SLC9C2: variants seen among roughly 807,000 people sequenced by gnomAD.
SLC9C2 encodes the protein solute carrier family 9 member C2 (putative).
In SLC9C2, 75 loss-of-function variants were observed where a neutral mutation model predicts 140.2. The observed-to-expected ratio is 0.53, with a 90% confidence interval of 0.44 to 0.65. The LOEUF is 0.65. Ranked by LOEUF, SLC9C2 falls within the 30% of genes least tolerant of loss-of-function variation. The probability of loss-of-function intolerance (pLI) is 0.00; values close to 1 mark genes in which losing one functional copy is unlikely to be tolerated. For missense variants in SLC9C2, 1,074 were observed against 1,331.8 expected, an observed-to-expected ratio of 0.81 and a Z score of 3.01; for synonymous variants, 375 against 420.9, an observed-to-expected ratio of 0.89 and a Z score of 1.34.
At chr1:173,545,901 T>C (rs1355916514) in intron 13 of SLC9C2, among the ~76,000 whole-genome samples, 4 of 152,194 alleles carry the variant, frequency 2.6e-5, no homozygotes, top group African/African-American at 9.7e-5. Flanking sequence ...AGTTTTCCTC[T>C]AGGTGGCTTC....
chr1:173,575,808 G>A (rs1236681769), intron 8 of SLC9C2, among the ~76,000 whole-genome samples: 1 of 152,132 alleles, frequency 6.6e-6, no homozygotes, highest in Non-Finnish European at 1.5e-5. Flanking sequence ...TCGATCTCCT[G>A]ACCTCGTGAT....
intron 22 of SLC9C2, among the ~76,000 whole-genome samples, chr1:173,518,104 A>T (rs1660553638): frequency 6.6e-6 from 1 of 152,178 alleles, no homozygotes; most frequent in Non-Finnish European, 1.5e-5. Flanking sequence ...GCTAAAAAAA[A>T]ATACAAAAAT....
intron 9 of SLC9C2, among the ~76,000 whole-genome samples, chr1:173,568,436 C>A (rs1484616915): frequency 2.6e-5 from 4 of 152,162 alleles, no homozygotes; most frequent in African/African-American, 7.2e-5. Flanking sequence ...CCAACTCTAT[C>A]CATGTTCCAC....
Position 173,587,665 on chromosome 1 carries a change from C to T in SLC9C2, c.523G>A (p.Gly175Ser). The stretch of plus-strand genomic sequence containing the variant: ...AGAGAGAGAAATAAATGTGACATAC[C>T]AATAGTTTTTAGTGAATTCACAGAA... ...LRSVNSLKTI[G>S]ISKIYIDLIR... The change falls in exon 5 of 28, where the codon GGC becomes AGC. Residue 175 changes from glycine (G) to serine (S), a missense_variant and splice_region_variant. By Grantham distance (56) the Gly-to-Ser change is moderately conservative. Coordinates refer to ENST00000367714, the MANE Select transcript of SLC9C2 (RefSeq NM_178527.4). 6.2e-7 allele frequency: 1 copy of T among 1,604,348 alleles called. No homozygotes were observed. The highest frequency in any genetic ancestry group is 1.1e-5 in the South Asian group (1 of 89,610).
chr1:173,506,961 A>G lies in SLC9C2; in HGVS notation c.3120T>C (p.Asp1040=), dbSNP rs1659684781. ...TGATAACAAATTTCATGGTCATATTATCAATAATCATGTCACTATAGCTTG... is the reference window on the plus strand; with the variant it reads ...TGATAACAAATTTCATGGTCATATTGTCAATAATCATGTCACTATAGCTTG... ...TLSSYSDMII[D]NMTMKFVIIV... is the part of the protein sequence containing the mutation. Residue 1040 remains aspartate (D), a synonymous_variant, in exon 25 of 28, where the codon GAT becomes GAC. Transcript: ENST00000367714. 6.2e-7 allele frequency: 1 copy of G among 1,613,544 alleles called. No homozygotes were observed. Among genetic ancestry groups the G allele is most frequent in the Non-Finnish European group, 8.5e-7 (1 of 1,179,742 alleles).
chr1:173,503,208 T>C (rs1045688395), intron 27 of SLC9C2, 58 bp downstream of exon 27: 2 of 1,448,910 alleles, frequency 1.4e-6, no homozygotes, highest in Non-Finnish European at 1.9e-6. Context: ...TTATTTTAGC[T>C]GTATAGTTCA....
intron 13 of SLC9C2, among the ~76,000 whole-genome samples, chr1:173,543,458 C>T (rs544265192): frequency 6.6e-6 from 1 of 152,168 alleles, no homozygotes; most frequent in African/African-American, 2.4e-5. Flanking sequence ...CATTGCCATC[C>T]CCACCAAGCT....
At chr1:173,524,259 C>T (rs1661037862) in intron 20 of SLC9C2, among the ~76,000 whole-genome samples, 165 bp from the exon 21 acceptor site, 1 of 152,124 alleles carries the variant, frequency 6.6e-6, no homozygotes, top group Non-Finnish European at 1.5e-5. Flanking sequence ...CCATTTTTGT[C>T]CCTAGTCTCC....
rs762325685 is a variant in SLC9C2 at position 173,546,261 on chromosome 1, G to A, written c.1557+1428C>T. Among the ~76,000 whole-genome samples, 6 of 152,150 alleles carry A rather than the reference G, an allele frequency of 3.9e-5. 1 individual carries two copies. The highest frequency in any genetic ancestry group is 2.1e-4 in the South Asian group (1 of 4,834). ...GAAATATGTTCTTCAAGCTGGGAGC[G>A]GTGGCTCACACCTGTAATCCCAGTG... is the stretch of plus-strand genomic sequence containing the variant. On this transcript the variant is annotated intron_variant, in intron 13 of 27. Transcript: ENST00000367714.
chr1:173,573,398 C>T, intron 8 of SLC9C2, 73 bp from the exon 9 acceptor site: 2 of 1,107,632 alleles, frequency 1.8e-6, no homozygotes, highest in Non-Finnish European at 2.5e-6. Flanking sequence ...CATATAAAAT[C>T]ATATATCTTA....
chr1:173,545,248 A>C (rs138971997), intron 13 of SLC9C2, among the ~76,000 whole-genome samples: 1 of 152,364 alleles, frequency 6.6e-6, no homozygotes, highest in Non-Finnish European at 1.5e-5. Context: ...GAGTCATGGA[A>C]AACAAACAAT....
In SLC9C2 at chr1:173,517,483, T is replaced by A. The variant is rs150478333; in HGVS notation, c.2907+54A>T. On this transcript the variant is annotated intron_variant, in intron 23 of 27. Coordinates refer to ENST00000367714, the MANE Select transcript of SLC9C2 (RefSeq NM_178527.4). ...CCCCAAAAAAGAAAAGATGCTGGTA[T>A]TTTTTATTTACTTGAAGAATAATTA... The A allele has an allele frequency of 4.1e-6, 6 of 1,477,166 alleles. No homozygotes were observed. The East Asian group carries it at 1.5e-4, about 36-fold the overall frequency. 91.5% of individuals were successfully genotyped at this position (1,477,166 alleles called of 1,614,324 possible). A position where few individuals can be genotyped will look rare whatever the true frequency, so the allele number is the denominator to read the frequency against.
At chr1:173,553,398 A>ACAG (rs1306138168) in intron 11 of SLC9C2, among the ~76,000 whole-genome samples, 3 of 152,234 alleles carry the variant, frequency 2.0e-5, no homozygotes, top group Non-Finnish European at 4.4e-5. Context: ...ATGCTATCAA[A>ACAG]CAGCACTGCA....
chr1:173,580,095 A>C (rs918174136), intron 7 of SLC9C2, among the ~76,000 whole-genome samples: 2 of 152,206 alleles, frequency 1.3e-5, no homozygotes, highest in African/African-American at 4.8e-5. Context: ...AAGCTTTTTA[A>C]AACCCAGTTC....
intron 13 of SLC9C2, among the ~76,000 whole-genome samples, chr1:173,541,648 C>G (rs1181446432): frequency 6.6e-6 from 1 of 152,072 alleles, no homozygotes; most frequent in South Asian, 2.1e-4. Flanking sequence ...ACAGAAATCA[C>G]AACAAACTGT....
chr1:173,591,268 AAT>A (rs1484546786), intron 4 of SLC9C2, among the ~76,000 whole-genome samples: 6 of 152,070 alleles, frequency 3.9e-5, no homozygotes, highest in Non-Finnish European at 7.4e-5. Context: ...TTCTTTATAC[AAT>A]CTGGCATTGA....
At position 173,507,022 on chromosome 1, in the gene SLC9C2, C is replaced by A. The variant is rs751028860; in HGVS notation, c.3059G>T (p.Cys1020Phe). 1 of 1,597,426 alleles carries A rather than the reference C, an allele frequency of 6.3e-7. No individual in the cohort carries two copies. The highest frequency in any genetic ancestry group is 1.3e-5 in the African/African-American group (1 of 74,152). Residue 1020 changes from cysteine (C) to phenylalanine (F), a missense_variant, in exon 25 of 28, where the codon TGT becomes TTT. By Grantham distance (205) the Cys-to-Phe change is radical (BLOSUM62 -2). Coordinates refer to ENST00000367714, the MANE Select transcript of SLC9C2 (RefSeq NM_178527.4). ...CACATATGCTTGATTGAACATCACA[C>A]AGTTCTGAAACCTTAAGTCCTATAA... The part of the protein sequence containing the change: ...LIDEDLRFQN[C>F]VMFNQAYVET...
intron 7 of SLC9C2, among the ~76,000 whole-genome samples, chr1:173,581,219 A>G (rs1665511650): frequency 6.6e-6 from 1 of 152,220 alleles, no homozygotes. Context: ...CAGTTTGGCC[A>G]CAGTTACTAC....
chr1:173,517,691 G>C lies in SLC9C2; in HGVS notation c.2753C>G (p.Ser918Cys). The C allele has an allele frequency of 1.2e-6, 2 of 1,605,528 alleles. No individual in the cohort carries two copies. The highest frequency in any genetic ancestry group is 1.7e-6 in the Non-Finnish European group (2 of 1,177,766). The change falls in exon 23 of 28, where the codon TCT becomes TGT. Residue 918 changes from serine to cysteine, a missense_variant. Ser to Cys is a moderately radical substitution (Grantham distance 112, BLOSUM62 -1). Transcript: ENST00000367714. The part of the protein sequence containing the change: ...ISGMAILHSL[S>C]PTFGIESNQR... Reference sequence around the variant, plus strand: ...ATTACTCTCTATTCCAAAGGTAGGAGATAAACTATGCAACTGCAAAGGGAA... The same window carrying C: ...ATTACTCTCTATTCCAAAGGTAGGACATAAACTATGCAACTGCAAAGGGAA...
Sources: gnomAD v4.1 joint callset for allele counts (sites outside exome capture counted in the v4.1 genomes callset) on GRCh38, gnomAD v4.1.1 for gene constraint, MANE v1.5 for transcripts, NCBI Gene and HGNC (gene_info 2026-07-23, HGNC 2026-07-21) for gene names.